The following ST7 variants were observed in gnomAD, a reference collection of about 807,000 sequenced individuals.
ST7 encodes the protein suppressor of tumorigenicity 7 protein.
ST7 carries 28 observed loss-of-function variants against 78.7 expected under a neutral mutation model. The ratio of observed to expected loss-of-function variants is 0.36; its 90% CI spans 0.26 to 0.49. ST7 has a LOEUF of 0.49. ST7 is among the 20% of genes least tolerant of loss of function. The probability of loss-of-function intolerance (pLI) is 0.99; values close to 1 mark genes in which losing one functional copy is unlikely to be tolerated. For missense variants in ST7, 418 were observed against 696.0 expected (o/e 0.60, Z 4.49); for synonymous variants, 247 against 249.6 (o/e 0.99, Z 0.10).
rs147782377 is a variant in ST7 at position 117,152,083 on chromosome 7, C to T, written c.963+13551C>T. Among the ~76,000 whole-genome samples the T allele has an allele frequency of 8.5e-3, 1,260 of 148,850 alleles. 25 individuals carry two copies. The highest frequency in any genetic ancestry group is 0.028 in the African/African-American group (1,135 of 40,508). On this transcript the variant is annotated intron_variant, in intron 9 of 15. Coordinates refer to ENST00000323984, the MANE Select transcript of ST7 (RefSeq NM_001369598.1). ...GCAGTGAGCCGAGATCATGCCATTG[C>T]ACTCCAGCCTGGGTGACAGAGTGAG...
At chr7:117,084,994 G>T (rs373064978) in intron 1 of ST7, among the ~76,000 whole-genome samples, 18 of 152,110 alleles carry the variant, frequency 1.2e-4, no homozygotes, top group African/African-American at 4.3e-4. Context: ...CTGTAATTTG[G>T]TATGTCTATC....
chr7:117,039,133 T>C (rs970623234), intron 1 of ST7, among the ~76,000 whole-genome samples: 10 of 152,204 alleles, frequency 6.6e-5, no homozygotes, highest in African/African-American at 2.2e-4. Flanking sequence ...TGGCAGACAT[T>C]CTTCAGGTTA....
chr7:117,033,115 A>G (rs941075693), intron 1 of ST7, among the ~76,000 whole-genome samples: 1 of 152,184 alleles, frequency 6.6e-6, no homozygotes, highest in East Asian at 1.9e-4. Flanking sequence ...CAAGCCTTTA[A>G]TGGCACATGA....
intron 1 of ST7, among the ~76,000 whole-genome samples, chr7:117,053,745 A>G (rs959243719): frequency 1.3e-5 from 2 of 152,110 alleles, no homozygotes; most frequent in Non-Finnish European, 2.9e-5. Context: ...GATTGGTGGG[A>G]AGTAATTATA....
chr7:117,223,980 T>C (rs1793283730), intron 15 of ST7: 5 of 971,184 alleles, frequency 5.1e-6, no homozygotes, highest in Non-Finnish European at 6.1e-6. Flanking sequence ...TTTTCTCTTC[T>C]TGTATACTTA....
At chr7:117,086,670 A>AT (rs888367613) in intron 1 of ST7, among the ~76,000 whole-genome samples, 92 of 150,656 alleles carry the variant, frequency 6.1e-4, no homozygotes, top group African/African-American at 1.0e-3. Context: ...CTTTTAATAG[A>AT]TTTTTTTTTT....
At chr7:117,155,473 C>T (rs1806614983) in intron 9 of ST7, among the ~76,000 whole-genome samples, 1 of 152,090 alleles carries the variant, frequency 6.6e-6, no homozygotes, top group Admixed American at 6.5e-5. Flanking sequence ...GGCAGGAGGC[C>T]AGTCAAGAGG....
chr7:116,975,733 AT>A (rs1377149519), intron 1 of ST7, among the ~76,000 whole-genome samples: 2 of 151,040 alleles, frequency 1.3e-5, no homozygotes, highest in African/African-American at 4.9e-5. Flanking sequence ...TGAAATTTAT[AT>A]GGATTAGGTA....
chr7:117,023,865 A>G (rs538252441), intron 1 of ST7, among the ~76,000 whole-genome samples: 3 of 152,002 alleles, frequency 2.0e-5, no homozygotes, highest in East Asian at 3.9e-4. Flanking sequence ...GCTGGAGTGC[A>G]GTGGCACAAT....
At chr7:116,971,700 T>C (rs536269564) in intron 1 of ST7, among the ~76,000 whole-genome samples, 3 of 152,292 alleles carry the variant, frequency 2.0e-5, no homozygotes, top group African/African-American at 7.2e-5. Context: ...TTCCCTGGGC[T>C]CTGTTTGGCT....
At chr7:116,998,891 G>T (rs1794799378) in intron 1 of ST7, among the ~76,000 whole-genome samples, 1 of 152,242 alleles carries the variant, frequency 6.6e-6, no homozygotes, top group South Asian at 2.1e-4. Flanking sequence ...TAAAGAATGA[G>T]AACAAGCTAT....
chr7:117,025,727 T>A (rs1412373662), intron 1 of ST7, among the ~76,000 whole-genome samples: 1 of 152,216 alleles, frequency 6.6e-6, no homozygotes, highest in Non-Finnish European at 1.5e-5. Context: ...GTAATGTATT[T>A]GACTCATCTT....
chr7:117,200,250 A>C (rs1584582568), intron 12 of ST7, among the ~76,000 whole-genome samples: 1 of 152,190 alleles, frequency 6.6e-6, no homozygotes, highest in South Asian at 2.1e-4. Context: ...TGGAATGAGA[A>C]GTCTGGTAGC....
intron 1 of ST7, among the ~76,000 whole-genome samples, chr7:117,040,416 A>G (rs576971372): frequency 4.6e-5 from 7 of 152,226 alleles, no homozygotes; most frequent in African/African-American, 1.7e-4. Context: ...TTATACACAC[A>G]TACACACACA....
At chr7:117,206,810 G>A (rs921669445) in intron 12 of ST7, among the ~76,000 whole-genome samples, 8 of 152,040 alleles carry the variant, frequency 5.3e-5, no homozygotes, top group Non-Finnish European at 1.0e-4. Context: ...TTAAAAATTG[G>A]TCCAGTTATC....
At chr7:117,019,638 G>C (rs747707202) in intron 1 of ST7, among the ~76,000 whole-genome samples, 5 of 152,230 alleles carry the variant, frequency 3.3e-5, no homozygotes, top group African/African-American at 7.2e-5. Flanking sequence ...TTGCAAAATA[G>C]CTAGTAATGG....
intron 1 of ST7, among the ~76,000 whole-genome samples, chr7:116,999,339 T>C (rs530608364): frequency 6.6e-6 from 1 of 152,344 alleles, no homozygotes; most frequent in East Asian, 1.9e-4. Flanking sequence ...TAAATACTTT[T>C]TCAGGAACTT....
chr7:116,978,752 AT>A (rs1256754443), intron 1 of ST7, among the ~76,000 whole-genome samples: 2 of 151,912 alleles, frequency 1.3e-5, no homozygotes, highest in Non-Finnish European at 2.9e-5. Flanking sequence ...GGTCCAGCTA[AT>A]TTTTTGTATT....
intron 1 of ST7, among the ~76,000 whole-genome samples, chr7:117,027,671 C>A (rs921308578): frequency 1.3e-5 from 2 of 151,918 alleles, no homozygotes; most frequent in Non-Finnish European, 2.9e-5. Flanking sequence ...TTGTTTGAGC[C>A]CAGGAGTTGA....
Sources: allele counts gnomAD v4.1 joint callset (sites outside exome capture counted in the v4.1 genomes callset), GRCh38; gene constraint gnomAD v4.1.1; transcripts MANE v1.5; gene names NCBI Gene and HGNC (gene_info 2026-07-23, HGNC 2026-07-21).